Variants in CADM2 observed in about 807,000 individuals in gnomAD.
CADM2 encodes the protein immunoglobulin superfamily member 4D.
A neutral mutation model predicts 49.8 loss-of-function variants in CADM2; 12 were observed. The observed-to-expected ratio is 0.24, with a 90% CI of 0.15 to 0.39. The LOEUF is 0.39. Ranked by LOEUF, CADM2 falls within the 10% of genes least tolerant of loss-of-function variation. The pLI is 1.00. For synonymous variants in CADM2, 214 were observed against 175.4 expected (o/e 1.22, Z -1.74); for missense variants, 378 against 492.3 (o/e 0.77, Z 2.20).
intron 6 of CADM2, among the ~76,000 whole-genome samples, chr3:85,926,370 A>G (rs555255103): frequency 2.0e-5 from 3 of 152,052 alleles, no homozygotes; most frequent in East Asian, 1.9e-4. Context: ...ACAAGCAAAA[A>G]TATCTTCAGA....
intron 1 of CADM2, among the ~76,000 whole-genome samples, chr3:85,127,344 T>C (rs2039071310): frequency 6.6e-6 from 1 of 152,196 alleles, no homozygotes; most frequent in African/African-American, 2.4e-5. Context: ...GTTGTCCTTA[T>C]AATAATGTGA....
chr3:85,013,376 A>C (rs979696339), intron 1 of CADM2, among the ~76,000 whole-genome samples: 11 of 151,984 alleles, frequency 7.2e-5, no homozygotes, highest in Non-Finnish European at 1.2e-4. Flanking sequence ...ATCTATTTTG[A>C]GAAACAGTAG....
At chr3:85,656,268 A>T (rs1413211891) in intron 1 of CADM2, among the ~76,000 whole-genome samples, 1 of 152,172 alleles carries the variant, frequency 6.6e-6, no homozygotes, top group Non-Finnish European at 1.5e-5. Flanking sequence ...AAATTCTCAT[A>T]AATCAATTTA....
At chr3:85,843,814 A>G (rs1259901418) in intron 3 of CADM2, among the ~76,000 whole-genome samples, 1 of 152,050 alleles carries the variant, frequency 6.6e-6, no homozygotes, top group African/African-American at 2.4e-5. Context: ...AATATGTTAG[A>G]CAATGTTCCA....
intron 1 of CADM2, among the ~76,000 whole-genome samples, chr3:85,233,907 C>T (rs2042355280): frequency 6.6e-6 from 1 of 152,014 alleles, no homozygotes; most frequent in African/African-American, 2.4e-5. Context: ...ATATTTAATT[C>T]TACAAATATA....
chr3:85,876,688 T>G (rs569390813), intron 3 of CADM2, among the ~76,000 whole-genome samples: 1 of 152,162 alleles, frequency 6.6e-6, no homozygotes, highest in Non-Finnish European at 1.5e-5. Context: ...GAGTATGTGA[T>G]CACCTTTATA....
At chr3:85,212,224 C>T (rs1042116965) in intron 1 of CADM2, among the ~76,000 whole-genome samples, 2 of 151,900 alleles carry the variant, frequency 1.3e-5, no homozygotes, top group African/African-American at 2.4e-5. Flanking sequence ...TTAATATATT[C>T]GGCCACCCTA....
intron 1 of CADM2, among the ~76,000 whole-genome samples, chr3:85,244,584 A>G (rs1451754852): frequency 6.6e-6 from 1 of 152,108 alleles, no homozygotes; most frequent in Non-Finnish European, 1.5e-5. Context: ...CTCATTAGTC[A>G]TTATTTCTCA....
chr3:85,052,822 T>A (rs1453726474), intron 1 of CADM2, among the ~76,000 whole-genome samples: 1 of 152,100 alleles, frequency 6.6e-6, no homozygotes, highest in African/African-American at 2.4e-5. Flanking sequence ...ATGTCTTTTA[T>A]ATTACAAAAA....
intron 3 of CADM2, among the ~76,000 whole-genome samples, chr3:85,818,177 C>T (rs919663810): frequency 3.9e-5 from 6 of 151,944 alleles, no homozygotes; most frequent in African/African-American, 1.5e-4. Flanking sequence ...ACGGAGATTT[C>T]TAATTTGGAG....
chr3:85,494,272 A>G (rs551158447), intron 1 of CADM2, among the ~76,000 whole-genome samples: 1 of 152,182 alleles, frequency 6.6e-6, no homozygotes, highest in East Asian at 1.9e-4. Context: ...GAATCTATAA[A>G]GTTTCATATT....
intron 1 of CADM2, among the ~76,000 whole-genome samples, chr3:85,213,506 T>C (rs1391814354): frequency 6.6e-6 from 1 of 152,190 alleles, no homozygotes; most frequent in East Asian, 1.9e-4. Flanking sequence ...TTCTTCATCC[T>C]TGACCTTTGA....
chr3:85,053,884 A>T (rs2035977429), intron 1 of CADM2, among the ~76,000 whole-genome samples: 1 of 151,964 alleles, frequency 6.6e-6, no homozygotes, highest in Non-Finnish European at 1.5e-5. Context: ...CTCTTTTCAG[A>T]TGGAAATGTT....
chr3:85,402,135 A>C (rs2035143787), intron 1 of CADM2, among the ~76,000 whole-genome samples: 1 of 152,098 alleles, frequency 6.6e-6, no homozygotes, highest in Non-Finnish European at 1.5e-5. Context: ...TTAATACTTA[A>C]ACCATGATTA....
chr3:85,595,494 G>A (rs982665822), intron 1 of CADM2, among the ~76,000 whole-genome samples: 3 of 152,014 alleles, frequency 2.0e-5, no homozygotes, highest in African/African-American at 4.8e-5. Context: ...ATTTGGACGA[G>A]TAGCTCCTGG....
intron 1 of CADM2, among the ~76,000 whole-genome samples, chr3:85,403,318 A>T (rs2035210024): frequency 6.6e-6 from 1 of 152,102 alleles, no homozygotes; most frequent in South Asian, 2.1e-4. Flanking sequence ...AAGTGCATTG[A>T]ACTAATATTT....
chr3:85,293,740 C>A (rs980797121), intron 1 of CADM2, among the ~76,000 whole-genome samples: 4 of 145,430 alleles, frequency 2.8e-5, no homozygotes, highest in African/African-American at 1.0e-4. Context: ...ATTCAGCAAC[C>A]CTTCATGCTA....
chr3:85,872,240 C>T (rs2108356635), intron 3 of CADM2, among the ~76,000 whole-genome samples: 1 of 152,264 alleles, frequency 6.6e-6, no homozygotes, highest in Non-Finnish European at 1.5e-5. Flanking sequence ...ATGGATTTCC[C>T]TCTTGAGAAT....
intron 1 of CADM2, among the ~76,000 whole-genome samples, chr3:85,430,329 C>A (rs2036601834): frequency 2.0e-5 from 3 of 151,858 alleles, no homozygotes; most frequent in African/African-American, 7.3e-5. Flanking sequence ...TTAGAAGAAA[C>A]CACTCTGAAG....
Sources: gnomAD v4.1 joint callset for allele counts (sites outside exome capture counted in the v4.1 genomes callset) on GRCh38, gnomAD v4.1.1 for gene constraint, MANE v1.5 for transcripts, NCBI Gene and HGNC (gene_info 2026-07-23, HGNC 2026-07-21) for gene names.